Variants in ESCO1 observed in about 807,000 individuals in gnomAD.
ESCO1 encodes the protein N-acetyltransferase ESCO1.
In ESCO1, 33 loss-of-function variants were observed where a neutral mutation model predicts 83.5. That is an observed-to-expected ratio of 0.40 (90% CI 0.30 to 0.53). ESCO1 has a LOEUF of 0.53. ESCO1 is among the 20% of genes least tolerant of loss of function. The probability of loss-of-function intolerance (pLI) is 0.63; values close to 1 mark genes in which losing one functional copy is unlikely to be tolerated. For missense variants in ESCO1, 855 were observed against 968.0 expected (o/e 0.88, Z 1.55); for synonymous variants, 332 against 324.3 (o/e 1.02, Z -0.25).
At chr18:21,585,695 T>G (rs2038565686) in intron 1 of ESCO1, among the ~76,000 whole-genome samples, 1 of 152,104 alleles carries the variant, frequency 6.6e-6, no homozygotes, top group South Asian at 2.1e-4. Flanking sequence ...TGGCCCCAAG[T>G]GATCATCCCA....
intron 1 of ESCO1, among the ~76,000 whole-genome samples, chr18:21,598,999 C>T (rs1257540183): frequency 6.6e-6 from 1 of 151,944 alleles, no homozygotes; most frequent in East Asian, 1.9e-4. Context: ...CACTTCTCAT[C>T]CTACTCCCAT....
chr18:21,590,468 C>T (rs954238412), intron 1 of ESCO1, among the ~76,000 whole-genome samples: 1 of 148,582 alleles, frequency 6.7e-6, no homozygotes, highest in Admixed American at 6.7e-5. Context: ...GATCCGCCCG[C>T]CTCAGCCTCC....
In ESCO1 at chr18:21,574,333, T is replaced by G. The variant is rs760859902; in HGVS notation, c.511A>C (p.Ser171Arg). 6.2e-7 allele frequency: 1 copy of G among 1,613,830 alleles called. No individual in the cohort carries two copies. Among genetic ancestry groups the G allele is most frequent in the Non-Finnish European group, 8.5e-7 (1 of 1,179,980 alleles). The change falls in exon 4 of 12, where the codon AGT (serine) becomes CGT (arginine). Residue 171 changes from serine (S) to arginine (R), a missense_variant. Physicochemically the swap from Ser to Arg is moderately radical, Grantham distance 110. This residue lies in a region of ESCO1 where 726 missense variants were observed against 699.5 expected (regional missense o/e 1.04). Coordinates refer to ENST00000269214, the MANE Select transcript of ESCO1 (RefSeq NM_052911.3). ...ACTTTTCTCTTCACATGTTTTTGAC[T>G]TGTTTTATTAGATTTACTCTGAGTA... ...SSTQSKSNKT[S>R]QKHVKRKVLE...
intron 1 of ESCO1, among the ~76,000 whole-genome samples, chr18:21,589,143 G>A (rs1213664775): frequency 6.6e-6 from 1 of 151,690 alleles, no homozygotes; most frequent in Admixed American, 6.6e-5. Flanking sequence ...GGAGGCTGGG[G>A]CAGGAGAATC....
At chr18:21,595,492 A>G (rs1257145994) in intron 1 of ESCO1, among the ~76,000 whole-genome samples, 1 of 150,682 alleles carries the variant, frequency 6.6e-6, no homozygotes, top group Admixed American at 6.6e-5. Context: ...ACACAGTGAA[A>G]CCCCGTCTCT....
intron 8 of ESCO1, among the ~76,000 whole-genome samples, chr18:21,551,513 C>T (rs996343358): frequency 1.3e-5 from 2 of 152,148 alleles, no homozygotes; most frequent in Admixed American, 6.5e-5. Flanking sequence ...TGAGCAGACA[C>T]AAGTAGCCAT....
intron 8 of ESCO1, 92 bp from the exon 9 acceptor site, chr18:21,540,101 CATCA>C (rs1166412769): frequency 8.7e-7 from 1 of 1,149,348 alleles, no homozygotes; most frequent in East Asian, 2.6e-5. Flanking sequence ...ATAAAAAGTA[CATCA>C]ATTTGTCTAA....
chr18:21,595,387 G>A (rs72884759), intron 1 of ESCO1, among the ~76,000 whole-genome samples: 1,860 of 80,516 alleles, frequency 0.023, 47 homozygotes, highest in African/African-American at 0.12. Context: ...AAAAAAAAAA[G>A]GGGCCGGCGC....
chr18:21,559,454 T>C (rs540110426), intron 8 of ESCO1, among the ~76,000 whole-genome samples: 2 of 152,308 alleles, frequency 1.3e-5, no homozygotes, highest in African/African-American at 4.8e-5. Context: ...TATTTCCTGA[T>C]TGATTTATTT....
intron 6 of ESCO1, among the ~76,000 whole-genome samples, chr18:21,564,904 AAAAT>A (rs1259145332): frequency 6.6e-6 from 1 of 151,750 alleles, no homozygotes; most frequent in African/African-American, 2.4e-5. Flanking sequence ...TACTAAAATA[AAAAT>A]AAATAAATAA....
At chr18:21,557,682 T>C (rs1256677498) in intron 8 of ESCO1, among the ~76,000 whole-genome samples, 1 of 152,232 alleles carries the variant, frequency 6.6e-6, no homozygotes, top group East Asian at 1.9e-4. Flanking sequence ...AAAAAAGGAT[T>C]GAGTTTTTCT....
In ESCO1 at chr18:21,573,179, C is replaced by T. The variant is rs543519240; in HGVS notation, c.1530+135G>A. 12 of 816,202 alleles carry T rather than the reference C, an allele frequency of 1.5e-5. No individual in the cohort carries two copies. The South Asian group carries it at 2.3e-4, about 16-fold the overall frequency. The allele number at this position is 816,202 out of a possible 1,614,324, so 50.6% of individuals were successfully genotyped here. A position where few individuals can be genotyped will look rare whatever the true frequency, so the allele number is the denominator to read the frequency against. ...CACAAGACTGGGTTAATAAAACTCT[C>T]GCTAACAACTTAACAGGAGAACTTA... On this transcript the variant is annotated intron_variant, in intron 4 of 11. Coordinates refer to ENST00000269214, the MANE Select transcript of ESCO1 (RefSeq NM_052911.3).
intron 4 of ESCO1, among the ~76,000 whole-genome samples, chr18:21,568,605 T>TAAA (rs2038295452): frequency 6.6e-6 from 1 of 152,090 alleles, no homozygotes; most frequent in Admixed American, 6.6e-5. Context: ...ACACCAGATT[T>TAAA]TGAACTTAAG....
intron 1 of ESCO1, among the ~76,000 whole-genome samples, chr18:21,598,938 C>T (rs1444620224): frequency 1.3e-5 from 2 of 152,044 alleles, no homozygotes; most frequent in African/African-American, 2.4e-5. Context: ...CTCATTTCCT[C>T]ACATGCTCTA....
At chr18:21,558,208 AT>A (rs2038136925) in intron 8 of ESCO1, among the ~76,000 whole-genome samples, 1 of 152,008 alleles carries the variant, frequency 6.6e-6, no homozygotes, top group Non-Finnish European at 1.5e-5. Context: ...CTAGTTTCTA[AT>A]AAGTCAAATA....
intron 1 of ESCO1, among the ~76,000 whole-genome samples, chr18:21,590,821 G>A (rs1169298066): frequency 6.6e-6 from 1 of 151,786 alleles, no homozygotes; most frequent in African/African-American, 2.4e-5. Context: ...GGTGGCACGT[G>A]CCTATAGTCC....
intron 1 of ESCO1, among the ~76,000 whole-genome samples, chr18:21,597,995 T>C (rs2038789252): frequency 1.3e-5 from 2 of 152,162 alleles, no homozygotes; most frequent in Non-Finnish European, 2.9e-5. Flanking sequence ...CCAAAGGATT[T>C]TCATTGAATG....
At chr18:21,576,267 C>T (rs1328456980) in intron 2 of ESCO1, among the ~76,000 whole-genome samples, 1 of 151,986 alleles carries the variant, frequency 6.6e-6, no homozygotes, top group Non-Finnish European at 1.5e-5. Flanking sequence ...TCTAGAAACT[C>T]CAGAGGCTGA....
chr18:21,547,606 C>T (rs1321672449), intron 8 of ESCO1, among the ~76,000 whole-genome samples: 2 of 152,030 alleles, frequency 1.3e-5, no homozygotes, highest in African/African-American at 2.4e-5. Flanking sequence ...ATTTATTATA[C>T]TTCAATGTTT....
Sources: allele counts gnomAD v4.1 joint callset (sites outside exome capture counted in the v4.1 genomes callset), GRCh38; gene constraint gnomAD v4.1.1; regional missense constraint gnomAD v4.1.1; transcripts MANE v1.5; gene names NCBI Gene and HGNC (gene_info 2026-07-23, HGNC 2026-07-21).